The following CDS1 variants were observed in gnomAD, a reference collection of about 807,000 sequenced individuals.
The protein encoded by CDS1 is CDP-diacylglycerol synthase 1, also known as phosphatidate cytidylyltransferase 1.
CDS1 carries 41 observed loss-of-function variants against 62.1 expected under a neutral mutation model. The ratio of observed to expected loss-of-function variants is 0.66; its 90% confidence interval spans 0.51 to 0.86. The LOEUF (loss-of-function observed/expected upper bound fraction) is 0.86, where lower values mean the gene tolerates loss of function less well. Among genes scored for constraint, CDS1 ranks in the 40% least tolerant of loss-of-function variants. The pLI is 0.00. For missense variants in CDS1, 470 were observed against 550.1 expected (o/e 0.85, Z 1.46); for synonymous variants, 185 against 192.6 (o/e 0.96, Z 0.32).
At chr4:84,615,534 C>T (rs1723463434) in intron 3 of CDS1, among the ~76,000 whole-genome samples, 1 of 152,186 alleles carries the variant, frequency 6.6e-6, no homozygotes. Context: ...ATTCCCTCTA[C>T]AGGTGGTGAC....
At chr4:84,602,151 C>T (rs2110045080) in intron 1 of CDS1, among the ~76,000 whole-genome samples, 1 of 152,260 alleles carries the variant, frequency 6.6e-6, no homozygotes, top group Admixed American at 6.5e-5. Flanking sequence ...TACTCATTCT[C>T]ATAGTTGAGT....
intron 7 of CDS1, 114 bp downstream of exon 7, chr4:84,634,053 T>C: frequency 4.0e-6 from 2 of 504,740 alleles, no homozygotes; most frequent in Non-Finnish European, 3.3e-6. Context: ...GTTGTTCTTA[T>C]ATTCCATTAA....
chr4:84,583,411 C>T lies in CDS1; in HGVS notation c.10C>T (p.Leu4=), dbSNP rs1722311962. The change falls in exon 1 of 13, where the codon CTG becomes TTG. Residue 4 remains leucine, a synonymous_variant. Transcript: ENST00000295887. The stretch of plus-strand genomic sequence containing the variant: ...AGCGCGGGAGCGGAAGATGTTGGAG[C>T]TGAGGCACCGGGGAAGCTGCCCCGG... MLE[L]RHRGSCPGPR... 3 of 1,601,214 alleles carry T rather than the reference C, an allele frequency of 1.9e-6. No homozygotes were observed. Among genetic ancestry groups the T allele is most frequent in the Non-Finnish European group, 2.6e-6 (3 of 1,174,338 alleles).
chr4:84,622,002 C>A (rs1238208198), intron 5 of CDS1, among the ~76,000 whole-genome samples: 3 of 152,174 alleles, frequency 2.0e-5, no homozygotes, highest in Non-Finnish European at 4.4e-5. Context: ...CTGTGTTTAT[C>A]AAAGCACATT....
intron 2 of CDS1, among the ~76,000 whole-genome samples, chr4:84,608,395 C>T (rs978876330): frequency 1.2e-4 from 19 of 152,142 alleles, no homozygotes; most frequent in Non-Finnish European, 2.4e-4. Flanking sequence ...AGGATGGTCT[C>T]GATCTCCTGA....
intron 5 of CDS1, among the ~76,000 whole-genome samples, chr4:84,629,508 T>C (rs1578045127): frequency 6.6e-6 from 1 of 152,204 alleles, no homozygotes; most frequent in Non-Finnish European, 1.5e-5. Context: ...TAGAAATGAT[T>C]TAAGATACAC....
chr4:84,616,298 C>T (rs866259479), intron 3 of CDS1, among the ~76,000 whole-genome samples: 1 of 152,094 alleles, frequency 6.6e-6, no homozygotes, highest in African/African-American at 2.4e-5. Context: ...TATGGTTTGA[C>T]GTACTTTTCT....
In CDS1 at chr4:84,638,931, C is replaced by T. The variant is rs1724298894; in HGVS notation, c.818C>T (p.Pro273Leu). ...TTATTTGCCCTTTTTTAGTTGTCTC[C>T]TAAAAAGACTTGGGAAGGATTCATT... ...FGRTPLIKLS[P>L]KKTWEGFIGG... The change falls in exon 9 of 13, where the codon CCT becomes CTT. Residue 273 changes from proline to leucine, a missense_variant. By Grantham distance (98) the Pro-to-Leu change is moderately conservative. This residue lies in a region of CDS1 where 214 missense variants were observed against 242.4 expected (regional missense o/e 0.88). Coordinates refer to ENST00000295887, the MANE Select transcript of CDS1 (RefSeq NM_001263.4). 1 of 1,542,036 alleles carries T rather than the reference C, an allele frequency of 6.5e-7. No individual in the cohort carries two copies. Among genetic ancestry groups the T allele is most frequent in the South Asian group, 1.3e-5 (1 of 77,944 alleles).
intron 12 of CDS1, among the ~76,000 whole-genome samples, 176 bp downstream of exon 12, chr4:84,645,501 C>T (rs368801746): frequency 3.3e-5 from 5 of 152,108 alleles, no homozygotes; most frequent in African/African-American, 1.2e-4. Context: ...GTTTTACCTA[C>T]ATTTGAACAA....
At chr4:84,599,799 T>C (rs1437003104) in intron 1 of CDS1, among the ~76,000 whole-genome samples, 1 of 152,188 alleles carries the variant, frequency 6.6e-6, no homozygotes, top group Admixed American at 6.5e-5. Context: ...GCTATTTGAG[T>C]TGTCCCTAGT....
rs1230335142 is a variant in CDS1, at chr4:84,609,180, CA to C, written c.246-228del. On this transcript the variant is annotated intron_variant, in intron 2 of 12. Transcript: ENST00000295887. Reference sequence around the variant, plus strand: ...GGTGCGACAGAGCGAGACTCCGTCTCAAAAAAAAAAAAAAAAAAAAAGAAAA... The same window carrying C: ...GGTGCGACAGAGCGAGACTCCGTCTCAAAAAAAAAAAAAAAAAAAAGAAAA... Among the ~76,000 whole-genome samples, 373 of 91,450 alleles carry C rather than the reference CA, an allele frequency of 4.1e-3. 5 individuals are homozygous for C. Among genetic ancestry groups the C allele is most frequent in the East Asian group, 0.038 (147 of 3,908 alleles). The allele number at this position is 91,450 out of a possible 152,430, so 60.0% of individuals were successfully genotyped here.
chr4:84,609,487 C>G lies in CDS1; in HGVS notation c.304C>G (p.Leu102Val), dbSNP rs765468711. The change falls in exon 3 of 13, where the codon CTG becomes GTG. Residue 102 changes from leucine to valine, a missense_variant. Around this residue, in one of 5 missense-constraint regions of CDS1, gnomAD observed 150 missense variants for 142.0 expected, o/e 1.06. Transcript: ENST00000295887. ...LTLTMISLFF[L>V]IIYMGSFMLM... ...TCTAACTATGATCTCGTTGTTTTTC[C>G]TGATCATCTATATGGGATCCTTCAT... 51 of 1,610,444 alleles carry G rather than the reference C, an allele frequency of 3.2e-5. No individual in the cohort carries two copies. Among genetic ancestry groups the G allele is most frequent in the Non-Finnish European group, 2.5e-6 (3 of 1,177,148 alleles).
At chr4:84,620,954 G>T (rs1302063945) in intron 5 of CDS1, among the ~76,000 whole-genome samples, 1 of 152,166 alleles carries the variant, frequency 6.6e-6, no homozygotes, top group Non-Finnish European at 1.5e-5. Flanking sequence ...CAGCTACTTA[G>T]GAGGTTGAGG....
At chr4:84,644,875 T>C (rs1724507120) in intron 11 of CDS1, among the ~76,000 whole-genome samples, 1 of 152,216 alleles carries the variant, frequency 6.6e-6, no homozygotes, top group South Asian at 2.1e-4. Flanking sequence ...AAACAGCTTG[T>C]GGTTAAAAAG....
At chr4:84,638,023 G>A (rs920506124) in intron 8 of CDS1, among the ~76,000 whole-genome samples, 7 of 152,126 alleles carry the variant, frequency 4.6e-5, no homozygotes, top group African/African-American at 1.7e-4. Context: ...AGCTCCTATA[G>A]GTTAACCCAT....
intron 7 of CDS1, among the ~76,000 whole-genome samples, chr4:84,634,814 GAT>G (rs1724127435): frequency 6.6e-6 from 1 of 152,122 alleles, no homozygotes; most frequent in African/African-American, 2.4e-5. Flanking sequence ...CATAAGCTAA[GAT>G]AGAATTAAAA....
chr4:84,640,248 A>G (rs1340174430), intron 9 of CDS1, among the ~76,000 whole-genome samples: 1 of 150,952 alleles, frequency 6.6e-6, no homozygotes. Context: ...TTGAATTTCT[A>G]TTACTCATTC....
At chr4:84,600,519 T>C (rs1213867622) in intron 1 of CDS1, among the ~76,000 whole-genome samples, 1 of 152,206 alleles carries the variant, frequency 6.6e-6, no homozygotes, top group African/African-American at 2.4e-5. Context: ...GTGTGAGGTA[T>C]GGATCAAGGT....
In CDS1 at chr4:84,645,341, A is replaced by C. The variant is rs1724525288; in HGVS notation, c.1256+16A>C. On this transcript the variant is annotated intron_variant, in intron 12 of 12. Transcript: ENST00000295887. ...GTTTTATAAGGTACTTTTACACTTG[A>C]GACATTTTTTAGATGATTTCTTTGA... 15 of 1,429,314 alleles carry C rather than the reference A, an allele frequency of 1.0e-5. No individual in the cohort carries two copies. Among genetic ancestry groups the C allele is most frequent in the Non-Finnish European group, 1.5e-5 (15 of 1,016,868 alleles). The allele number at this position is 1,429,314 out of a possible 1,614,324, so 88.5% of individuals were successfully genotyped here.
Sources: gnomAD v4.1 joint callset for allele counts (sites outside exome capture counted in the v4.1 genomes callset) on GRCh38, gnomAD v4.1.1 for gene constraint, gnomAD v4.1.1 regional missense constraint, MANE v1.5 for transcripts, NCBI Gene and HGNC (gene_info 2026-07-23, HGNC 2026-07-21) for gene names.